KIF16B: variants seen among roughly 807,000 people sequenced by gnomAD.
KIF16B encodes kinesin family member 16B, also known as kinesin-like protein KIF16B.
Under a neutral mutation model 156.3 loss-of-function variants are expected in KIF16B, and 98 were observed. The ratio of observed to expected loss-of-function variants is 0.63; its 90% CI spans 0.53 to 0.74. The LOEUF is 0.74. KIF16B is among the 30% of genes least tolerant of loss of function. The pLI is 0.00. For synonymous variants in KIF16B, 564 were observed against 583.7 expected, an observed-to-expected ratio of 0.97 and a Z score of 0.49; for missense variants, 1,421 against 1,606.5, an observed-to-expected ratio of 0.88 and a Z score of 1.97.
At chr20:16,429,407 G>T (rs6111112) in intron 13 of KIF16B, among the ~76,000 whole-genome samples, 1 of 152,258 alleles carries the variant, frequency 6.6e-6, no homozygotes, top group Middle Eastern at 3.4e-3. Context: ...CTAAAGTCAA[G>T]GTTACAGGGG....
At chr20:16,377,205 T>C (rs762335180) in intron 19 of KIF16B, among the ~76,000 whole-genome samples, 4 of 151,928 alleles carry the variant, frequency 2.6e-5, no homozygotes, top group Non-Finnish European at 5.9e-5. Context: ...GGAGGTGCTG[T>C]GGGTGGGGGG....
At chr20:16,442,816 A>C (rs1458122522) in intron 12 of KIF16B, among the ~76,000 whole-genome samples, 1 of 152,070 alleles carries the variant, frequency 6.6e-6, no homozygotes, top group African/African-American at 2.4e-5. Context: ...ATCAGAAGGG[A>C]ATTTAGGAAA....
chr20:16,529,582 G>T (rs2147161671), intron 1 of KIF16B, among the ~76,000 whole-genome samples: 1 of 152,352 alleles, frequency 6.6e-6, no homozygotes, highest in African/African-American at 2.4e-5. Flanking sequence ...GAGTAATGAT[G>T]TTGGTGCCCT....
intron 23 of KIF16B, among the ~76,000 whole-genome samples, chr20:16,341,808 G>A (rs2064144229): frequency 6.6e-6 from 1 of 152,192 alleles, no homozygotes; most frequent in African/African-American, 2.4e-5. Flanking sequence ...TAAACCACTG[G>A]TCATGTTGTC....
chr20:16,545,997 TACTGGTATAATTCAA>T (rs1259735015), intron 1 of KIF16B, among the ~76,000 whole-genome samples: 19 of 152,284 alleles, frequency 1.2e-4, no homozygotes, highest in African/African-American at 3.6e-4. Flanking sequence ...AGGGAAGGGA[TACTGGTATAATTCAA>T]ACTAAATTGC....
intron 1 of KIF16B, among the ~76,000 whole-genome samples, chr20:16,571,915 G>A (rs544870247): frequency 1.3e-5 from 2 of 152,070 alleles, no homozygotes; most frequent in Admixed American, 6.6e-5. Context: ...ATGAGCCACC[G>A]CGCCCAGCCT....
intron 25 of KIF16B, among the ~76,000 whole-genome samples, chr20:16,289,356 T>C (rs35458737): frequency 2.0e-5 from 3 of 152,178 alleles, no homozygotes; most frequent in Non-Finnish European, 4.4e-5. Context: ...GGAATTGATA[T>C]GCAAATATGT....
At chr20:16,495,702 T>G (rs968134357) in intron 11 of KIF16B, among the ~76,000 whole-genome samples, 2 of 152,118 alleles carry the variant, frequency 1.3e-5, no homozygotes, top group African/African-American at 2.4e-5. Flanking sequence ...TTGGTTTTGT[T>G]TTTTAGAGAT....
At chr20:16,319,988 A>T (rs2063751223) in intron 24 of KIF16B, among the ~76,000 whole-genome samples, 1 of 152,154 alleles carries the variant, frequency 6.6e-6, no homozygotes, top group Non-Finnish European at 1.5e-5. Context: ...CAGGCTCATG[A>T]AAAGACTGCA....
chr20:16,431,531 C>G (rs2066499814), intron 12 of KIF16B, among the ~76,000 whole-genome samples: 1 of 152,154 alleles, frequency 6.6e-6, no homozygotes, highest in Non-Finnish European at 1.5e-5. Flanking sequence ...TCCTCTGTCA[C>G]TGCTATCCTT....
chr20:16,468,164 G>A (rs6043973), intron 12 of KIF16B, among the ~76,000 whole-genome samples: 33,623 of 152,070 alleles, frequency 0.22, 3,803 homozygotes, highest in Admixed American at 0.26. Context: ...ATGACTGAAA[G>A]TAAAGACCTG....
At chr20:16,441,393 A>G (rs2066796391) in intron 12 of KIF16B, among the ~76,000 whole-genome samples, 1 of 152,156 alleles carries the variant, frequency 6.6e-6, no homozygotes. Context: ...GGAGTCAGTT[A>G]GAGCCTACTC....
chr20:16,487,906 T>C (rs1164479339), intron 12 of KIF16B, among the ~76,000 whole-genome samples: 1 of 152,228 alleles, frequency 6.6e-6, no homozygotes, highest in Non-Finnish European at 1.5e-5. Flanking sequence ...CAAACATTAA[T>C]TGTTAAGTGT....
At chr20:16,529,057 C>A (rs1015081078) in intron 1 of KIF16B, among the ~76,000 whole-genome samples, 2 of 152,062 alleles carry the variant, frequency 1.3e-5, no homozygotes, top group African/African-American at 4.8e-5. Flanking sequence ...TATGGCGTGG[C>A]CACTGGGATA....
chr20:16,278,238 G>C (rs1358302261), intron 25 of KIF16B, among the ~76,000 whole-genome samples: 1 of 152,014 alleles, frequency 6.6e-6, no homozygotes, highest in African/African-American at 2.4e-5. Context: ...AGAGAAACAG[G>C]GCTGGGATGG....
At chr20:16,456,357 T>C (rs1263201382) in intron 12 of KIF16B, among the ~76,000 whole-genome samples, 1 of 152,174 alleles carries the variant, frequency 6.6e-6, no homozygotes, top group African/African-American at 2.4e-5. Context: ...GATTGCTTTT[T>C]TCTTTGAAAG....
chr20:16,494,861 G>C (rs955418558), intron 11 of KIF16B, among the ~76,000 whole-genome samples: 2 of 150,078 alleles, frequency 1.3e-5, no homozygotes, highest in Non-Finnish European at 3.0e-5. Context: ...GATAAAAAAA[G>C]AAAAAAAGGT....
intron 17 of KIF16B, among the ~76,000 whole-genome samples, chr20:16,392,115 A>G (rs919782146): frequency 1.3e-5 from 2 of 152,192 alleles, no homozygotes; most frequent in African/African-American, 4.8e-5. Context: ...TAAGTGTCCT[A>G]CACCATGACT....
At chr20:16,301,430 T>C (rs114670202) in intron 25 of KIF16B, among the ~76,000 whole-genome samples, 2,545 of 152,308 alleles carry the variant, frequency 0.017, 70 homozygotes, top group African/African-American at 0.059. Context: ...AAAGTGGCTA[T>C]ACTATTTTTC....
Sources: gnomAD v4.1 joint callset for allele counts (sites outside exome capture counted in the v4.1 genomes callset) on GRCh38, gnomAD v4.1.1 for gene constraint, MANE v1.5 for transcripts, NCBI Gene and HGNC (gene_info 2026-07-23, HGNC 2026-07-21) for gene names.